Variants in IVNS1ABP observed in about 807,000 individuals in gnomAD.
IVNS1ABP encodes influenza virus NS1A-binding protein.
IVNS1ABP carries 25 observed loss-of-function variants against 78.9 expected under a neutral mutation model. The observed-to-expected ratio is 0.32, with a 90% CI of 0.23 to 0.44. The LOEUF is 0.44. Ranked by LOEUF, IVNS1ABP falls within the 20% of genes least tolerant of loss-of-function variation. The pLI is 1.00. For synonymous variants in IVNS1ABP, 241 were observed against 259.7 expected (o/e 0.93, Z 0.69); for missense variants, 494 against 768.9 (o/e 0.64, Z 4.23).
intron 1 of IVNS1ABP, among the ~76,000 whole-genome samples, chr1:185,311,525 TAA>T (rs35365424): frequency 1.1e-3 from 148 of 134,112 alleles, no homozygotes; most frequent in African/African-American, 2.5e-3. Flanking sequence ...CCCAAGTGAT[TAA>T]AAAAAAAAAA....
In IVNS1ABP at chr1:185,299,996, T is replaced by C; in HGVS notation, c.1501+3A>G. On this transcript the variant is annotated splice_donor_region_variant and intron_variant, in intron 13 of 14. Coordinates refer to ENST00000367498, the MANE Select transcript of IVNS1ABP (RefSeq NM_006469.5). ...AAAAAAAAAGGAAAAAAAATCAACT[T>C]ACGAATGTTAAGAGGGGCACAGCTT... 6.2e-7 allele frequency: 1 copy of C among 1,608,146 alleles called. No homozygotes were observed. Among genetic ancestry groups the C allele is most frequent in the Non-Finnish European group, 8.5e-7 (1 of 1,178,316 alleles).
In IVNS1ABP at chr1:185,305,785, T is replaced by C; in HGVS notation, c.658-142A>G. On this transcript the variant is annotated intron_variant, in intron 7 of 14. Coordinates refer to ENST00000367498, the MANE Select transcript of IVNS1ABP (RefSeq NM_006469.5). This position sits in a 1 kb window ranked among gnomAD's most constrained non-coding sequence, Gnocchi z 4.0. ...ATATTACTCTGGCAGGATCCGGAGG[T>C]AAAGAAAAATACATGTCATGGTGGT... 1.2e-6 allele frequency: 1 copy of C among 805,034 alleles called. No individual in the cohort carries two copies. The highest frequency in any genetic ancestry group is 2.9e-5 in the South Asian group (1 of 33,972). The allele number at this position is 805,034 out of a possible 1,614,324, so 49.9% of individuals were successfully genotyped here. A position where few individuals can be genotyped will look rare whatever the true frequency, so the allele number is the denominator to read the frequency against.
rs1665549101 is a variant in IVNS1ABP, at chr1:185,300,565, A to C, written c.1121-7T>G. ...TCCTCTCTGTTATAGCCACCTGGTA[A>C]AAAATAAAACCATAAAGATTTATGT... On this transcript the variant is annotated splice_polypyrimidine_tract_variant and splice_region_variant and intron_variant, in intron 10 of 14. Transcript: ENST00000367498. The C allele has an allele frequency of 6.2e-7, 1 of 1,612,014 alleles. No individual in the cohort carries two copies.
chr1:185,305,616 G>A lies in IVNS1ABP; in HGVS notation c.685C>T (p.His229Tyr). Reference sequence around the variant, plus strand: ...AGTAGGTTCCCATCAAGCAGCTTGTGATCAGCTGAGTAGTACAAGGTTTGA... The same window carrying A: ...AGTAGGTTCCCATCAAGCAGCTTGTAATCAGCTGAGTAGTACAAGGTTTGA... ...EVQTLYYSADHKLLDGNLLDG... is the reference protein window; with the variant it reads ...EVQTLYYSADYKLLDGNLLDG... Residue 229 changes from histidine to tyrosine, a missense_variant, in exon 8 of 15, where the codon CAC (histidine) becomes TAC (tyrosine). Transcript: ENST00000367498. The surrounding 1 kb of genome is among the most constrained non-coding windows in gnomAD (Gnocchi z 4.0). 1 of 1,613,150 alleles carries A rather than the reference G, an allele frequency of 6.2e-7. No individual in the cohort carries two copies.
intron 11 of IVNS1ABP, 46 bp from the exon 12 acceptor site, chr1:185,300,389 C>G (rs750468870): frequency 1.2e-6 from 2 of 1,613,270 alleles, no homozygotes; most frequent in Non-Finnish European, 1.7e-6. Context: ...CCTGAAGTTA[C>G]GAGGAAAAAG....
intron 7 of IVNS1ABP, 79 bp downstream of exon 7, chr1:185,306,935 T>C (rs1665753950): frequency 8.0e-6 from 12 of 1,498,668 alleles, no homozygotes; most frequent in Non-Finnish European, 1.0e-5. Context: ...GGTTATAAAA[T>C]AAAAGTGAAA....
intron 1 of IVNS1ABP, among the ~76,000 whole-genome samples, chr1:185,314,767 A>G (rs1364107347): frequency 6.6e-6 from 1 of 152,194 alleles, no homozygotes; most frequent in Non-Finnish European, 1.5e-5. Flanking sequence ...CCTTATTAAC[A>G]TCAATTATCA....
chr1:185,304,726 C>G (rs953079017), intron 8 of IVNS1ABP, among the ~76,000 whole-genome samples: 1 of 152,038 alleles, frequency 6.6e-6, no homozygotes, highest in Non-Finnish European at 1.5e-5. Context: ...GAGCACTATA[C>G]GGAAACGGTT....
chr1:185,306,347 CCCACCAT>C, intron 7 of IVNS1ABP: 1 of 659,926 alleles, frequency 1.5e-6, no homozygotes, highest in South Asian at 1.9e-5. Flanking sequence ...GTTTTCAATT[CCCACCAT>C]TTCTCCATCA....
At chr1:185,313,066 T>C (rs1220319941) in intron 1 of IVNS1ABP, among the ~76,000 whole-genome samples, 1 of 152,148 alleles carries the variant, frequency 6.6e-6, no homozygotes, top group Non-Finnish European at 1.5e-5. Flanking sequence ...GTAAACTTGA[T>C]CTAACAAAAA....
Position 185,298,160 on chromosome 1 carries a change from C to A in IVNS1ABP, c.1804G>T (p.Ala602Ser), listed in dbSNP as rs765952685. ...GCATAAATGGTGTTCCCTACAGTTG[C>A]AATCCCAGCATTGCTCCTTGGTGAA... ...MTSPRSNAGIATVGNTIYAVG... is the reference protein window; with the variant it reads ...MTSPRSNAGISTVGNTIYAVG... The change falls in exon 15 of 15, where the codon GCA becomes TCA. Residue 602 changes from alanine (A) to serine (S), a missense_variant. Transcript: ENST00000367498. The surrounding 1 kb of genome is among the most constrained non-coding windows in gnomAD (Gnocchi z 4.1). 8 of 1,613,734 alleles carry A rather than the reference C, an allele frequency of 5.0e-6. No homozygotes were observed. The highest frequency in any genetic ancestry group is 1.6e-4 in the Middle Eastern group (1 of 6,078).
chr1:185,307,255 T>C (rs1052224101), intron 6 of IVNS1ABP, 116 bp from the exon 7 acceptor site: 2 of 1,295,874 alleles, frequency 1.5e-6, no homozygotes, highest in Non-Finnish European at 2.1e-6. Flanking sequence ...ACATTTACTC[T>C]AATTTGTAAG....
rs780169380 is a variant in IVNS1ABP, at chr1:185,309,048, T to C, written c.236A>G (p.Asn79Ser). Residue 79 changes from asparagine (N) to serine (S), a missense_variant, in exon 4 of 15, where the codon AAT becomes AGT. Asn to Ser is a conservative substitution (Grantham distance 46). Coordinates refer to ENST00000367498, the MANE Select transcript of IVNS1ABP (RefSeq NM_006469.5). ...GISHVKFDDL[N>S]PEAVEVLLNY... The stretch of plus-strand genomic sequence containing the variant: ...CAACAAGACTTCAACAGCTTCTGGA[T>C]TGAGATCATCAAATTTAACGTGAGA... 2.2e-5 allele frequency: 36 copies of C among 1,613,172 alleles called. No homozygotes were observed. Among genetic ancestry groups the C allele is most frequent in the Middle Eastern group, 1.7e-4 (1 of 6,048 alleles).
At chr1:185,304,394 A>C (rs1665683781) in intron 8 of IVNS1ABP, among the ~76,000 whole-genome samples, 1 of 152,150 alleles carries the variant, frequency 6.6e-6, no homozygotes. Context: ...AAAATGCACA[A>C]ACATAGGTTC....
In IVNS1ABP at chr1:185,315,101, A is replaced by G. The variant is rs12026052; in HGVS notation, c.-247+1852T>C. ...AGCACATGCACATGACATGGTGGGA[A>G]GACCCCCAACCTTTAATAATTCCTA... On this transcript the variant is annotated intron_variant, in intron 1 of 14. Transcript: ENST00000367498. 3.0e-3 allele frequency among the ~76,000 whole-genome samples: 460 copies of G among 152,356 alleles called. 23 individuals are homozygous for G. In the East Asian group the frequency reaches 0.076, roughly 25 times the overall value.
chr1:185,316,083 A>G (rs962999610), intron 1 of IVNS1ABP, among the ~76,000 whole-genome samples: 1 of 152,210 alleles, frequency 6.6e-6, no homozygotes, highest in African/African-American at 2.4e-5. Flanking sequence ...CCTTCCTATC[A>G]TCAAGAGCTT....
chr1:185,301,196 T>A lies in IVNS1ABP; in HGVS notation c.896A>T (p.Asn299Ile). Residue 299 changes from asparagine (N) to isoleucine (I), a missense_variant and splice_region_variant, in exon 10 of 15, where the codon AAT (asparagine) becomes ATT (isoleucine). Physicochemically the swap from Asn to Ile is moderately radical, Grantham distance 149. Coordinates refer to ENST00000367498, the MANE Select transcript of IVNS1ABP (RefSeq NM_006469.5). ...WKIVASEKTS[N>I]NTYLCLAVLD... is the part of the protein sequence containing the mutation. ...CACAGCCAGGCACAAGTAAGTGTTA[T>A]CTGTAAGCACAAGAGTTCCATGTTT... is the stretch of plus-strand genomic sequence containing the variant. 1 of 1,610,576 alleles carries A rather than the reference T, an allele frequency of 6.2e-7. No homozygotes were observed. The highest frequency in any genetic ancestry group is 8.5e-7 in the Non-Finnish European group (1 of 1,177,258).
At position 185,301,203 on chromosome 1, in the gene IVNS1ABP, G is replaced by A. The variant is rs117705891; in HGVS notation, c.896-7C>T. 2.9e-3 allele frequency: 4,685 copies of A among 1,604,110 alleles called. 72 individuals are homozygous for A. Among genetic ancestry groups the A allele is most frequent in the South Asian group, 0.028 (2,518 of 90,826 alleles). ...AGGCACAAGTAAGTGTTATCTGTAA[G>A]CACAAGAGTTCCATGTTTAAGATGT... On this transcript the variant is annotated splice_polypyrimidine_tract_variant and splice_region_variant and intron_variant, in intron 9 of 14. Coordinates refer to ENST00000367498, the MANE Select transcript of IVNS1ABP (RefSeq NM_006469.5).
At chr1:185,304,857 A>G (rs924798533) in intron 8 of IVNS1ABP, among the ~76,000 whole-genome samples, 1 of 152,154 alleles carries the variant, frequency 6.6e-6, no homozygotes, top group Non-Finnish European at 1.5e-5. Flanking sequence ...GTATTTGTCC[A>G]TAAACTTAAA....
Sources: gnomAD v4.1 joint callset for allele counts (sites outside exome capture counted in the v4.1 genomes callset) on GRCh38, gnomAD v4.1.1 for gene constraint, Gnocchi (gnomAD v3.1) non-coding constraint, MANE v1.5 for transcripts, NCBI Gene and HGNC (gene_info 2026-07-23, HGNC 2026-07-21) for gene names.